Variants in TENM4 observed in about 807,000 individuals in gnomAD.
The protein encoded by TENM4 is teneurin transmembrane protein 4.
TENM4 carries 82 observed loss-of-function variants against 243.3 expected under a neutral mutation model. The observed-to-expected ratio is 0.34, with a 90% CI of 0.28 to 0.40. The LOEUF (loss-of-function observed/expected upper bound fraction) is 0.40. Among genes scored for constraint, TENM4 ranks in the 10% least tolerant of loss-of-function variants. The probability of loss-of-function intolerance (pLI) is 1.00; values close to 1 mark genes in which losing one functional copy is unlikely to be tolerated. For missense variants in TENM4, 3,138 were observed against 3,673.3 expected, an observed-to-expected ratio of 0.85 and a Z score of 3.77; for synonymous variants, 1,412 against 1,456.3, an observed-to-expected ratio of 0.97 and a Z score of 0.69.
chr11:78,913,855 T>C (rs1337352513), intron 6 of TENM4, among the ~76,000 whole-genome samples: 1 of 152,134 alleles, frequency 6.6e-6, no homozygotes, highest in African/African-American at 2.4e-5. Context: ...TGGAGCTAGT[T>C]AATGCTTTCC....
intron 6 of TENM4, among the ~76,000 whole-genome samples, chr11:79,004,639 C>T (rs1325825104): frequency 2.6e-5 from 4 of 151,986 alleles, no homozygotes; most frequent in African/African-American, 7.2e-5. Flanking sequence ...ACAGTCACAT[C>T]AAAAAGTTAG....
chr11:79,343,325 G>A (rs1857272819), intron 1 of TENM4, among the ~76,000 whole-genome samples: 1 of 152,184 alleles, frequency 6.6e-6, no homozygotes, highest in Non-Finnish European at 1.5e-5. Flanking sequence ...TGAGAACACA[G>A]AGGCTCAGGA....
At chr11:79,159,245 A>C (rs2135079764) in intron 3 of TENM4, among the ~76,000 whole-genome samples, 1 of 152,262 alleles carries the variant, frequency 6.6e-6, no homozygotes. Flanking sequence ...ATCTTATCTT[A>C]GTCTACCCGG....
At chr11:79,131,384 C>G (rs1458017152) in intron 4 of TENM4, among the ~76,000 whole-genome samples, 1 of 152,126 alleles carries the variant, frequency 6.6e-6, no homozygotes, top group Non-Finnish European at 1.5e-5. Flanking sequence ...TCAGCCTCCT[C>G]AAACAAAACA....
At chr11:79,118,793 T>C (rs1401930187) in intron 4 of TENM4, among the ~76,000 whole-genome samples, 1 of 152,206 alleles carries the variant, frequency 6.6e-6, no homozygotes, top group African/African-American at 2.4e-5. Flanking sequence ...ATCTTATTGA[T>C]CCATTCATCT....
At chr11:79,397,005 C>T (rs1312534499) in intron 1 of TENM4, among the ~76,000 whole-genome samples, 1 of 152,210 alleles carries the variant, frequency 6.6e-6, no homozygotes, top group Non-Finnish European at 1.5e-5. Flanking sequence ...GTCAAGGGGG[C>T]TTCAGAACCC....
chr11:79,414,740 AAC>A (rs1335931468), intron 1 of TENM4, among the ~76,000 whole-genome samples: 1 of 152,204 alleles, frequency 6.6e-6, no homozygotes, highest in Non-Finnish European at 1.5e-5. Flanking sequence ...ATGGATCTGA[AAC>A]ACAGATCACA....
intron 2 of TENM4, among the ~76,000 whole-genome samples, chr11:79,237,641 C>T (rs1442853305): frequency 1.3e-5 from 2 of 152,208 alleles, no homozygotes; most frequent in East Asian, 1.9e-4. Flanking sequence ...CGTACCACTG[C>T]ACTCCAGCCT....
At chr11:79,170,522 C>T (rs185954618) in intron 3 of TENM4, among the ~76,000 whole-genome samples, 1 of 152,292 alleles carries the variant, frequency 6.6e-6, no homozygotes, top group Non-Finnish European at 1.5e-5. Flanking sequence ...GGGCAGGCCC[C>T]TAATCCAATA....
chr11:79,334,133 G>A (rs886244004), intron 1 of TENM4, among the ~76,000 whole-genome samples: 5 of 152,206 alleles, frequency 3.3e-5, no homozygotes, highest in Non-Finnish European at 7.3e-5. Context: ...AATGGAATGA[G>A]AGCCCCAACA....
intron 16 of TENM4, among the ~76,000 whole-genome samples, chr11:78,786,108 G>A (rs775509111): frequency 2.0e-4 from 31 of 152,342 alleles, no homozygotes; most frequent in Non-Finnish European, 2.9e-4. Flanking sequence ...CAAGCAAAAC[G>A]TCTGGCTGAG....
intron 15 of TENM4, among the ~76,000 whole-genome samples, chr11:78,802,638 G>A (rs1393517880): frequency 6.6e-6 from 1 of 152,214 alleles, no homozygotes; most frequent in Non-Finnish European, 1.5e-5. Context: ...GCAAGTCACG[G>A]CCACTCCTCT....
At chr11:78,887,617 G>A (rs769554472) in intron 9 of TENM4, among the ~76,000 whole-genome samples, 10 of 152,210 alleles carry the variant, frequency 6.6e-5, no homozygotes, top group Admixed American at 1.3e-4. Flanking sequence ...GTTACCCAGT[G>A]AAAACTCCCA....
At chr11:79,069,309 T>C (rs1053200809) in intron 5 of TENM4, among the ~76,000 whole-genome samples, 1 of 152,190 alleles carries the variant, frequency 6.6e-6, no homozygotes, top group East Asian at 1.9e-4. Context: ...ATTCAGCGCT[T>C]ACTTGGTATT....
At position 79,390,778 on chromosome 11, in the gene TENM4, T is replaced by A. The variant is rs117861639; in HGVS notation, c.-321+49731A>T. Among the ~76,000 whole-genome samples, 1,176 of 152,322 alleles carry A rather than the reference T, an allele frequency of 7.7e-3. 8 individuals carry two copies. Among genetic ancestry groups the A allele is most frequent in the Non-Finnish European group, 0.013 (870 of 68,024 alleles). On this transcript the variant is annotated intron_variant, in intron 1 of 33. Transcript: ENST00000278550. ...GGCTCCAGGCCAATGTGTCCTGGGTTTGAATCCTGCCCCACATGTCCTCCA... is the reference window on the plus strand; with the variant it reads ...GGCTCCAGGCCAATGTGTCCTGGGTATGAATCCTGCCCCACATGTCCTCCA...
At chr11:79,138,414 T>C (rs541144691) in intron 4 of TENM4, among the ~76,000 whole-genome samples, 1 of 114,486 alleles carries the variant, frequency 8.7e-6, no homozygotes, top group African/African-American at 3.6e-5. Flanking sequence ...AAATAAAATA[T>C]ATATTATATT....
intron 23 of TENM4, among the ~76,000 whole-genome samples, chr11:78,724,048 C>T (rs375928363): frequency 6.6e-6 from 1 of 151,098 alleles, no homozygotes; most frequent in African/African-American, 2.4e-5. Flanking sequence ...TTTCTCCTCT[C>T]CTCTCCTTTC....
chr11:79,301,855 G>A (rs1331212993), intron 1 of TENM4, among the ~76,000 whole-genome samples: 10 of 152,212 alleles, frequency 6.6e-5, no homozygotes, highest in Admixed American at 3.9e-4. Context: ...TTTGCTTTCC[G>A]CCATTATGGT....
intron 6 of TENM4, among the ~76,000 whole-genome samples, chr11:79,059,418 C>A (rs991712048): frequency 2.6e-5 from 4 of 152,100 alleles, no homozygotes; most frequent in African/African-American, 9.7e-5. Flanking sequence ...ACCCTCAGGG[C>A]AAAATGAACT....
Sources: allele counts gnomAD v4.1 joint callset (sites outside exome capture counted in the v4.1 genomes callset), GRCh38; gene constraint gnomAD v4.1.1; transcripts MANE v1.5; gene names NCBI Gene and HGNC (gene_info 2026-07-23, HGNC 2026-07-21).